Variants in REPS2 observed in about 807,000 individuals in gnomAD.
REPS2 encodes RALBP1 associated Eps domain containing 2, also known as ralBP1-associated Eps domain-containing protein 2.
REPS2 carries 23 observed loss-of-function variants against 53.6 expected under a neutral mutation model. That is an observed-to-expected ratio of 0.43 (90% CI 0.31 to 0.61). The LOEUF is 0.61. REPS2 is among the 20% of genes least tolerant of loss of function. REPS2 has a pLI of 0.11. For missense variants in REPS2, 446 were observed against 534.9 expected, an observed-to-expected ratio of 0.83 and a Z score of 1.64; for synonymous variants, 238 against 218.6, an observed-to-expected ratio of 1.09 and a Z score of -0.78.
chrX:17,139,911 G>T lies in REPS2; in HGVS notation c.1914+950G>T, dbSNP rs150807798. Among the ~76,000 whole-genome samples the T allele has an allele frequency of 3.4e-3, 384 of 111,653 alleles. 3 individuals are homozygous for T. The highest frequency in any genetic ancestry group is 0.012 in the African/African-American group (370 of 30,688). The stretch of plus-strand genomic sequence containing the variant: ...ATCTTAACTTGATTACATCTGCAAA[G>T]AACCTATTTGCATATAAGGTCACAT... On this transcript the variant is annotated intron_variant, in intron 17 of 17. Coordinates refer to ENST00000357277, the MANE Select transcript of REPS2 (RefSeq NM_004726.3).
chrX:17,187,005 C>T, the REPS2 span, among the ~76,000 whole-genome samples: 141 of 111,352 alleles, frequency 1.3e-3, no homozygotes, highest in African/African-American at 4.1e-3. Flanking sequence ...TTGACAGGTG[C>T]ACTAAAATCT....
At chrX:17,068,749 T>C (rs144003260) in intron 10 of REPS2, among the ~76,000 whole-genome samples, 68 of 111,919 alleles carry the variant, frequency 6.1e-4, no homozygotes, top group African/African-American at 2.0e-3. Context: ...TCGTAGCAAT[T>C]AGGAAATGAC....
At position 16,989,191 on chromosome X, in the gene REPS2, C is replaced by T. The variant is rs759884817; in HGVS notation, c.274-17030C>T. On this transcript the variant is annotated intron_variant, in intron 1 of 17. Transcript: ENST00000357277. ...TGACAAAATTGCAACAGCAATTGAA[C>T]GGAGAAGGAAAGATAGCCTTTTTGA... Among the ~76,000 whole-genome samples, 7 of 106,743 alleles carry T rather than the reference C, an allele frequency of 6.6e-5. No individual in the cohort carries two copies. The East Asian group carries it at 8.8e-4, about 13-fold the overall frequency. 92.7% of individuals were successfully genotyped at this position (106,743 alleles called of 115,157 possible). A position where few individuals can be genotyped will look rare whatever the true frequency, so the allele number is the denominator to read the frequency against.
chrX:16,954,509 G>C (rs2060567370), intron 1 of REPS2, among the ~76,000 whole-genome samples: 1 of 111,683 alleles, frequency 9.0e-6, no homozygotes, highest in African/African-American at 3.3e-5. Flanking sequence ...AAACATGCAG[G>C]GGTTTAGGTT....
intron 5 of REPS2, among the ~76,000 whole-genome samples, chrX:17,030,431 A>C (rs1233294974): frequency 9.0e-6 from 1 of 111,028 alleles, no homozygotes; most frequent in Non-Finnish European, 1.9e-5. Context: ...CTCGGGAATA[A>C]GGAACATTTT....
intron 13 of REPS2, among the ~76,000 whole-genome samples, chrX:17,088,077 TTC>T (rs1187665040): frequency 2.5e-4 from 28 of 110,958 alleles, no homozygotes; most frequent in Admixed American, 1.8e-3. Context: ...CACATTTGTA[TTC>T]TCTCTCTCTC....
chrX:17,095,242 G>A (rs2062680267), intron 13 of REPS2, among the ~76,000 whole-genome samples: 1 of 112,080 alleles, frequency 8.9e-6, no homozygotes, highest in Non-Finnish European at 1.9e-5. Context: ...CTCTTTAGAT[G>A]TCTCTTCCTG....
At chrX:17,030,027 A>G (rs766500676) in intron 5 of REPS2, among the ~76,000 whole-genome samples, 8 of 112,222 alleles carry the variant, frequency 7.1e-5, no homozygotes, top group Non-Finnish European at 1.3e-4. Flanking sequence ...CTCTAATTAC[A>G]TGGTAAACTT....
intron 1 of REPS2, among the ~76,000 whole-genome samples, chrX:16,986,165 A>G (rs1277347304): frequency 8.9e-6 from 1 of 112,090 alleles, no homozygotes; most frequent in Non-Finnish European, 1.9e-5. Context: ...GCATTCTTAA[A>G]AGCTGACTTT....
chrX:17,009,031 C>T (rs2061395699), intron 2 of REPS2, among the ~76,000 whole-genome samples: 1 of 111,849 alleles, frequency 8.9e-6, no homozygotes, highest in Non-Finnish European at 1.9e-5. Context: ...CAATCTCACT[C>T]CCTGTTGCCT....
chrX:17,157,025 G>C (rs2063619401), downstream of REPS2, among the ~76,000 whole-genome samples: 1 of 111,481 alleles, frequency 9.0e-6, no homozygotes, highest in Non-Finnish European at 1.9e-5. Context: ...TGAGGCATTT[G>C]TGTGTATGTG....
At chrX:16,975,068 A>G (rs750100110) in intron 1 of REPS2, among the ~76,000 whole-genome samples, 1 of 111,962 alleles carries the variant, frequency 8.9e-6, no homozygotes, top group African/African-American at 3.2e-5. Flanking sequence ...ATGGTTGTGT[A>G]GTATTCCATG....
chrX:17,179,896 T>G, the REPS2 span, among the ~76,000 whole-genome samples: 9 of 112,269 alleles, frequency 8.0e-5, no homozygotes, highest in Non-Finnish European at 1.5e-4. Flanking sequence ...GTGCAGTTAT[T>G]GCAAAGAATC....
intron 16 of REPS2, 172 bp downstream of exon 16, chrX:17,135,578 T>C: frequency 1.8e-6 from 1 of 561,692 alleles, no homozygotes; most frequent in South Asian, 3.3e-5. Context: ...TAGAAGGCTT[T>C]ATAAGCTATA....
chrX:17,120,602 A>G lies in REPS2; in HGVS notation c.1579-13222A>G, dbSNP rs188246127. ...CAGAGGTGGGGTCTAGTTGGCAAACACAGAACAGACTCCAGATAGCTAGAA... is the reference window on the plus strand; with the variant it reads ...CAGAGGTGGGGTCTAGTTGGCAAACGCAGAACAGACTCCAGATAGCTAGAA... On this transcript the variant is annotated intron_variant, in intron 14 of 17. Transcript: ENST00000357277. Among the ~76,000 whole-genome samples the G allele has an allele frequency of 3.6e-5, 4 of 111,821 alleles. No homozygotes were observed. In the East Asian group the frequency reaches 1.1e-3, roughly 32 times the overall value.
At position 16,975,421 on chromosome X, in the gene REPS2, A is replaced by G. The variant is rs778046552; in HGVS notation, c.273+28287A>G. Among the ~76,000 whole-genome samples, 517 of 111,591 alleles carry G rather than the reference A, an allele frequency of 4.6e-3. 3 individuals are homozygous for G. Among genetic ancestry groups the G allele is most frequent in the Middle Eastern group, 0.014 (3 of 216 alleles). Reference sequence around the variant, plus strand: ...AGTAATAGCCATTCTTACTGATGTGAGATGTTATCTCATTGTGGTTTTGAT... The same window carrying G: ...AGTAATAGCCATTCTTACTGATGTGGGATGTTATCTCATTGTGGTTTTGAT... On this transcript the variant is annotated intron_variant, in intron 1 of 17. Coordinates refer to ENST00000357277, the MANE Select transcript of REPS2 (RefSeq NM_004726.3).
intron 1 of REPS2, among the ~76,000 whole-genome samples, chrX:16,951,562 C>A (rs964415952): frequency 3.9e-5 from 2 of 51,575 alleles, no homozygotes; most frequent in Non-Finnish European, 1.1e-4. Context: ...CACACACACC[C>A]CCGCTACCTA....
chrX:16,960,131 A>G (rs5924566), intron 1 of REPS2, among the ~76,000 whole-genome samples: 40,602 of 110,143 alleles, frequency 0.37, 6,167 homozygotes, highest in East Asian at 0.86. Context: ...TGGGAAGCTG[A>G]GGTGGGAGGA....
Position 16,974,783 on chromosome X carries a change from G to A in REPS2, c.273+27649G>A, listed in dbSNP as rs774864577. ...TGTTGTATAGGTAAATTCTTGTCAC[G>A]GGGGTTTGTTGTACAGATTATTTCA... On this transcript the variant is annotated intron_variant, in intron 1 of 17. Coordinates refer to ENST00000357277, the MANE Select transcript of REPS2 (RefSeq NM_004726.3). Among the ~76,000 whole-genome samples the A allele has an allele frequency of 4.5e-5, 5 of 111,216 alleles. No homozygotes were observed. In the East Asian group the frequency reaches 1.1e-3, roughly 25 times the overall value.
Sources: gnomAD v4.1 joint callset for allele counts (sites outside exome capture counted in the v4.1 genomes callset) on GRCh38, gnomAD v4.1.1 for gene constraint, MANE v1.5 for transcripts, NCBI Gene and HGNC (gene_info 2026-07-23, HGNC 2026-07-21) for gene names.